The following TFRC variants were observed in gnomAD, a reference collection of about 807,000 sequenced individuals.
The protein encoded by TFRC is transferrin receptor protein 1.
Under a neutral mutation model 85.8 loss-of-function variants are expected in TFRC, and 35 were observed. That is an observed-to-expected ratio of 0.41 (90% confidence interval 0.31 to 0.54). The LOEUF (loss-of-function observed/expected upper bound fraction) is 0.54, where lower values mean the gene tolerates loss of function less well. TFRC is among the 20% of genes least tolerant of loss of function. The pLI is 0.31. For synonymous variants in TFRC, 362 were observed against 328.6 expected, an observed-to-expected ratio of 1.10 and a Z score of -1.10; for missense variants, 828 against 921.5, an observed-to-expected ratio of 0.90 and a Z score of 1.31.
chr3:196,063,768 T>C (rs1249209614), intron 11 of TFRC, among the ~76,000 whole-genome samples: 1 of 151,768 alleles, frequency 6.6e-6, no homozygotes, highest in East Asian at 1.9e-4. Flanking sequence ...AATACAAAAA[T>C]TGGCCGGGTG....
At chr3:196,070,317 T>C (rs1718082365) in intron 6 of TFRC, among the ~76,000 whole-genome samples, 1 of 150,906 alleles carries the variant, frequency 6.6e-6, no homozygotes, top group African/African-American at 2.4e-5. Context: ...CAGGCTGGAG[T>C]GCAATGGCGC....
At chr3:196,060,867 G>A (rs1418553276) in intron 13 of TFRC, among the ~76,000 whole-genome samples, 1 of 144,044 alleles carries the variant, frequency 6.9e-6, no homozygotes, top group East Asian at 2.0e-4. Context: ...TAAGAGAAAG[G>A]TACCTAGAGG....
At chr3:196,075,402 A>C in intron 2 of TFRC, 42 bp from the exon 3 acceptor site, 6 of 1,602,338 alleles carry the variant, frequency 3.7e-6, no homozygotes, top group Non-Finnish European at 5.1e-6. Flanking sequence ...AGGCACGGGA[A>C]TGTTTAGGAA....
chr3:196,065,434 G>A lies in TFRC; in HGVS notation c.1198+9C>T, dbSNP rs369622410. The A allele has an allele frequency of 6.3e-5, 39 of 621,548 alleles. No homozygotes were observed. The African/African-American group carries it at 6.9e-4, about 11-fold the overall frequency. 38.5% of individuals were successfully genotyped at this position (621,548 alleles called of 1,614,324 possible). A position where few individuals can be genotyped will look rare whatever the true frequency, so the allele number is the denominator to read the frequency against. ...AAGCGGGGCGGGGGGGGGGGGGGGCGGTCTTTACCTGGTTCTACAAAGCCT... is the reference window on the plus strand; with the variant it reads ...AAGCGGGGCGGGGGGGGGGGGGGGCAGTCTTTACCTGGTTCTACAAAGCCT... On this transcript the variant is annotated intron_variant, in intron 10 of 18. Transcript: ENST00000360110.
intron 13 of TFRC, 79 bp from the exon 14 acceptor site, chr3:196,060,326 T>G: frequency 8.2e-7 from 1 of 1,213,786 alleles, no homozygotes; most frequent in East Asian, 2.4e-5. Context: ...CTATAAGTAC[T>G]TGACAAATAA....
intron 18 of TFRC, 87 bp downstream of exon 18, chr3:196,053,331 C>T: frequency 6.8e-7 from 1 of 1,472,616 alleles, no homozygotes; most frequent in Non-Finnish European, 9.5e-7. Context: ...TTCTAGACTC[C>T]TAGAGTTTGT....
At chr3:196,068,610 CAAAAAAAAAA>C (rs55807772) in intron 7 of TFRC, among the ~76,000 whole-genome samples, 1 of 41,816 alleles carries the variant, frequency 2.4e-5, no homozygotes, top group Non-Finnish European at 3.9e-5. Context: ...AACTCCCTCT[CAAAAAAAAAA>C]AAAAAAAAAA....
chr3:196,070,859 T>C (rs1048333278), intron 6 of TFRC, among the ~76,000 whole-genome samples: 6 of 151,800 alleles, frequency 4.0e-5, no homozygotes, highest in African/African-American at 9.7e-5. Context: ...AGAGGCTCAC[T>C]TGAGCCTGGG....
intron 4 of TFRC, among the ~76,000 whole-genome samples, chr3:196,073,507 C>A (rs773428082): frequency 6.6e-6 from 1 of 152,062 alleles, no homozygotes; most frequent in Non-Finnish European, 1.5e-5. Context: ...AGACTTAAGG[C>A]AGGCAGTTAC....
At chr3:196,077,639 C>G (rs966479203) in intron 1 of TFRC, among the ~76,000 whole-genome samples, 1 of 151,954 alleles carries the variant, frequency 6.6e-6, no homozygotes, top group African/African-American at 2.4e-5. Flanking sequence ...GTAATCCCAG[C>G]CACTCGGGAG....
intron 1 of TFRC, among the ~76,000 whole-genome samples, chr3:196,080,799 G>A (rs1005088163): frequency 1.6e-5 from 2 of 124,070 alleles, no homozygotes; most frequent in African/African-American, 6.3e-5. Flanking sequence ...TTAACTCTGA[G>A]TTTTCTTGAG....
intron 4 of TFRC, 76 bp from the exon 5 acceptor site, chr3:196,072,228 T>C: frequency 6.4e-7 from 1 of 1,557,272 alleles, no homozygotes. Flanking sequence ...TTAAACAAAT[T>C]GTTTTGAAAG....
chr3:196,064,216 C>T, intron 11 of TFRC, 93 bp downstream of exon 11: 1 of 1,332,054 alleles, frequency 7.5e-7, no homozygotes, highest in South Asian at 1.8e-5. Context: ...ATGAGAACCA[C>T]AGGAATGCAG....
At chr3:196,068,927 CAAA>C (rs55642820) in intron 7 of TFRC, among the ~76,000 whole-genome samples, 1 of 85,264 alleles carries the variant, frequency 1.2e-5, no homozygotes, top group Admixed American at 1.3e-4. Flanking sequence ...GACTCCGTCT[CAAA>C]AAAAAAAAAA....
chr3:196,053,268 C>A (rs1716494250), intron 18 of TFRC, 150 bp downstream of exon 18: 1 of 849,624 alleles, frequency 1.2e-6, no homozygotes, highest in Admixed American at 2.7e-5. Flanking sequence ...CTGAATTAGA[C>A]AGCAGAAACA....
intron 16 of TFRC, among the ~76,000 whole-genome samples, chr3:196,057,571 CAT>C (rs983119151): frequency 1.4e-4 from 21 of 152,248 alleles, no homozygotes; most frequent in African/African-American, 4.6e-4. Flanking sequence ...ACATCCAGCA[CAT>C]GTGTATAACT....
At chr3:196,080,744 T>C (rs1319695110) in intron 1 of TFRC, among the ~76,000 whole-genome samples, 1 of 151,856 alleles carries the variant, frequency 6.6e-6, no homozygotes, top group Non-Finnish European at 1.5e-5. Context: ...AATTGAAGGA[T>C]GCTATGCTAT....
chr3:196,081,015 G>T (rs1174860986), intron 1 of TFRC, among the ~76,000 whole-genome samples: 1 of 152,154 alleles, frequency 6.6e-6, no homozygotes, highest in Admixed American at 6.6e-5. Context: ...GGGTAAGTGA[G>T]GTCTCTACAA....
Position 196,074,372 on chromosome 3 carries a change from A to G in TFRC, c.239-247T>C, listed in dbSNP as rs377506342. On this transcript the variant is annotated intron_variant, in intron 3 of 18. Coordinates refer to ENST00000360110, the MANE Select transcript of TFRC (RefSeq NM_001128148.3). ...TTTTTCCAAAAGACCCCCTTGAAAC[A>G]TGAGACTGAGCTGCTGCACCGCCAG... 45 of 322,420 alleles carry G rather than the reference A, an allele frequency of 1.4e-4. No homozygotes were observed. In the East Asian group the frequency reaches 2.1e-3, roughly 15 times the overall value. The allele number at this position is 322,420 out of a possible 1,614,324, so 20.0% of individuals were successfully genotyped here.
Sources: allele counts gnomAD v4.1 joint callset (sites outside exome capture counted in the v4.1 genomes callset), GRCh38; gene constraint gnomAD v4.1.1; transcripts MANE v1.5; gene names NCBI Gene and HGNC (gene_info 2026-07-23, HGNC 2026-07-21).